Variants in MLLT3 observed in about 807,000 individuals in gnomAD.
MLLT3 encodes the protein protein AF-9.
Under a neutral mutation model 53.2 loss-of-function variants are expected in MLLT3, and 4 were observed. The ratio of observed to expected loss-of-function variants is 0.08; its 90% CI spans 0.04 to 0.17. MLLT3 has a LOEUF of 0.17. Ranked by LOEUF, MLLT3 falls within the 10% of genes least tolerant of loss-of-function variation. The probability of loss-of-function intolerance (pLI) is 1.00; values close to 1 mark genes in which losing one functional copy is unlikely to be tolerated. For missense variants in MLLT3, 569 were observed against 684.0 expected (o/e 0.83, Z 1.87); for synonymous variants, 283 against 230.6 (o/e 1.23, Z -2.06).
intron 2 of MLLT3, among the ~76,000 whole-genome samples, chr9:20,457,261 T>A (rs200820688): frequency 1.4e-5 from 2 of 143,166 alleles, no homozygotes; most frequent in East Asian, 2.0e-4. Context: ...TTTTTTTTTT[T>A]TTTTGAGACG....
Position 20,417,181 on chromosome 9 carries a change from TTA to T in MLLT3, c.421-2758_421-2757del, listed in dbSNP as rs567177700. Among the ~76,000 whole-genome samples, 12 of 146,574 alleles carry T rather than the reference TTA, an allele frequency of 8.2e-5. No individual in the cohort carries two copies. The South Asian group carries it at 1.7e-3, about 21-fold the overall frequency. On this transcript the variant is annotated intron_variant, in intron 4 of 10. Coordinates refer to ENST00000380338, the MANE Select transcript of MLLT3 (RefSeq NM_004529.4). ...CACTGATTTTCAGCCTATCTGATAT[TTA>T]TATATATATATTATATATTATATAT...
chr9:20,342,346 G>A lies in MLLT3; in HGVS notation c.*4097C>T, dbSNP rs1333121684. On this transcript the variant is annotated 3_prime_UTR_variant, in exon 11 of 11. Coordinates refer to ENST00000380338, the MANE Select transcript of MLLT3 (RefSeq NM_004529.4). ...ACAAAAGCATGTACACATACACAAT[G>A]TATCTTTCAACATAACTACACATAC... The A allele has an allele frequency of 4.5e-6, 1 of 224,388 alleles. No homozygotes were observed. The highest frequency in any genetic ancestry group is 8.9e-6 in the Non-Finnish European group (1 of 112,664). The allele number at this position is 224,388 out of a possible 1,614,324, so 13.9% of individuals were successfully genotyped here.
intron 2 of MLLT3, among the ~76,000 whole-genome samples, chr9:20,466,184 G>C (rs534043956): frequency 2.0e-5 from 3 of 152,154 alleles, no homozygotes; most frequent in African/African-American, 7.2e-5. Context: ...TAGGATTTTG[G>C]AATATTTGCC....
At chr9:20,588,252 G>T (rs1314849266) in intron 2 of MLLT3, among the ~76,000 whole-genome samples, 1 of 150,704 alleles carries the variant, frequency 6.6e-6, no homozygotes, top group Non-Finnish European at 1.5e-5. Flanking sequence ...TAGCCTTGTA[G>T]TATAGTTTGA....
At chr9:20,348,273 A>C (rs905999743) in intron 10 of MLLT3, among the ~76,000 whole-genome samples, 2 of 152,142 alleles carry the variant, frequency 1.3e-5, no homozygotes, top group African/African-American at 4.8e-5. Context: ...GAGCTGCCCA[A>C]CTACAATGTT....
intron 5 of MLLT3, among the ~76,000 whole-genome samples, chr9:20,380,054 G>C (rs1821868771): frequency 6.6e-6 from 1 of 151,974 alleles, no homozygotes; most frequent in Non-Finnish European, 1.5e-5. Flanking sequence ...GCTATCTTTT[G>C]TCACTTAAGC....
In MLLT3 at chr9:20,481,257, G is replaced by A. The variant is rs571802665; in HGVS notation, c.194-24471C>T. 3.9e-5 allele frequency among the ~76,000 whole-genome samples: 6 copies of A among 152,276 alleles called. No homozygotes were observed. The East Asian group carries it at 1.2e-3, about 29-fold the overall frequency. On this transcript the variant is annotated intron_variant, in intron 2 of 10. Transcript: ENST00000380338. ...TGGACTCACATATTACATGCAGACA[G>A]CTAAGAGTTATTTAATCTCCCATTA...
chr9:20,355,174 C>T (rs12686373), intron 8 of MLLT3, among the ~76,000 whole-genome samples: 2,096 of 150,110 alleles, frequency 0.014, 92 homozygotes, highest in Admixed American at 0.082. Context: ...TTCTCTTTTG[C>T]GACAACACTC....
chr9:20,449,765 C>T (rs1180074925), intron 3 of MLLT3, among the ~76,000 whole-genome samples: 1 of 152,170 alleles, frequency 6.6e-6, no homozygotes, highest in African/African-American at 2.4e-5. Context: ...ATGAAATCTA[C>T]TTTTCCTCTC....
At chr9:20,410,238 A>T (rs1822692277) in intron 5 of MLLT3, among the ~76,000 whole-genome samples, 1 of 152,182 alleles carries the variant, frequency 6.6e-6, no homozygotes, top group African/African-American at 2.4e-5. Flanking sequence ...AGAGTTCTGC[A>T]AGAGAAAAAA....
chr9:20,433,096 A>T (rs1438441668), intron 4 of MLLT3, among the ~76,000 whole-genome samples: 1 of 152,010 alleles, frequency 6.6e-6, no homozygotes, highest in African/African-American at 2.4e-5. Context: ...CGGGCCAAGC[A>T]AAGTAGGCAA....
intron 5 of MLLT3, among the ~76,000 whole-genome samples, chr9:20,403,646 T>G (rs1563952110): frequency 6.6e-6 from 1 of 152,150 alleles, no homozygotes; most frequent in Admixed American, 6.6e-5. Flanking sequence ...TCAGATAACT[T>G]AGCACTTTAA....
chr9:20,510,246 A>G (rs1200874772), intron 2 of MLLT3, among the ~76,000 whole-genome samples: 1 of 152,194 alleles, frequency 6.6e-6, no homozygotes, highest in African/African-American at 2.4e-5. Flanking sequence ...AATGAATAGG[A>G]GAAATGTGAA....
chr9:20,570,165 T>TG (rs1819494198), intron 2 of MLLT3, among the ~76,000 whole-genome samples: 1 of 151,868 alleles, frequency 6.6e-6, no homozygotes, highest in Admixed American at 6.6e-5. Flanking sequence ...TTCTAGACCT[T>TG]GGCTTTGAAA....
chr9:20,501,311 T>C (rs1442583421), intron 2 of MLLT3, among the ~76,000 whole-genome samples: 1 of 152,192 alleles, frequency 6.6e-6, no homozygotes, highest in Non-Finnish European at 1.5e-5. Context: ...GGCCTTCTGC[T>C]ATGTGTGAGG....
chr9:20,488,627 G>A (rs1824871517), intron 2 of MLLT3, among the ~76,000 whole-genome samples: 1 of 152,074 alleles, frequency 6.6e-6, no homozygotes, highest in South Asian at 2.1e-4. Context: ...TCCAAAAATA[G>A]TTAAAATTTA....
chr9:20,364,146 A>G (rs1821391682), intron 6 of MLLT3, among the ~76,000 whole-genome samples: 1 of 152,222 alleles, frequency 6.6e-6, no homozygotes, highest in South Asian at 2.1e-4. Flanking sequence ...TGATCTTCAC[A>G]TTGATCTTGG....
intron 3 of MLLT3, 40 bp downstream of exon 3, chr9:20,456,664 G>A: frequency 7.4e-7 from 1 of 1,349,018 alleles, no homozygotes; most frequent in South Asian, 1.2e-5. Flanking sequence ...GGCTAATGGT[G>A]GATCGTCTAC....
intron 2 of MLLT3, among the ~76,000 whole-genome samples, chr9:20,579,274 A>G (rs1335925396): frequency 2.0e-5 from 3 of 152,066 alleles, no homozygotes; most frequent in Non-Finnish European, 4.4e-5. Context: ...TGGAGGCTCA[A>G]TGGGAAAATC....
Sources: allele counts gnomAD v4.1 joint callset (sites outside exome capture counted in the v4.1 genomes callset), GRCh38; gene constraint gnomAD v4.1.1; transcripts MANE v1.5; gene names NCBI Gene and HGNC (gene_info 2026-07-23, HGNC 2026-07-21).